DCX: variants seen among roughly 807,000 people sequenced by gnomAD.
The protein encoded by DCX is neuronal migration protein doublecortin.
In DCX, 4 loss-of-function variants were observed where a neutral mutation model predicts 20.9. That is an observed-to-expected ratio of 0.19 (90% CI 0.09 to 0.44). The LOEUF (loss-of-function observed/expected upper bound fraction) is 0.44, where lower values mean the gene tolerates loss of function less well. DCX is among the 20% of genes least tolerant of loss of function. The probability of loss-of-function intolerance (pLI) is 0.99; values close to 1 mark genes in which losing one functional copy is unlikely to be tolerated. For synonymous variants in DCX, 103 were observed against 111.4 expected (o/e 0.92, Z 0.47); for missense variants, 133 against 296.9 (o/e 0.45, Z 4.06).
chrX:111,346,210 TC>T (rs1182989689), intron 3 of DCX, among the ~76,000 whole-genome samples: 1 of 111,735 alleles, frequency 8.9e-6, no homozygotes, highest in Non-Finnish European at 1.9e-5. Flanking sequence ...GATGATAGCT[TC>T]TTTTGCTGTG....
intron 3 of DCX, among the ~76,000 whole-genome samples, chrX:111,387,949 C>A (rs1351382691): frequency 8.9e-6 from 1 of 111,889 alleles, no homozygotes; most frequent in East Asian, 2.8e-4. Context: ...ATGGTAAACA[C>A]TACTTATGGA....
rs1023346565 is a variant in DCX at position 111,362,392 on chromosome X, C to T, written c.706-29239G>A. Among the ~76,000 whole-genome samples, 9 of 110,638 alleles carry T rather than the reference C, an allele frequency of 8.1e-5. No homozygotes were observed. In the East Asian group the frequency reaches 8.5e-4, roughly 10 times the overall value. ...TGGAGCAATTATGATACAAGAAATG[C>T]GCTAGTGTGTCTTTGTTTCAAATTT... On this transcript the variant is annotated intron_variant, in intron 3 of 6. Coordinates refer to ENST00000636035, the MANE Select transcript of DCX (RefSeq NM_001195553.2).
chrX:111,330,329 T>C (rs1039215606), intron 5 of DCX, among the ~76,000 whole-genome samples: 1 of 112,535 alleles, frequency 8.9e-6, no homozygotes, highest in African/African-American at 3.2e-5. Context: ...AAATAGAATC[T>C]TCTATGGCAA....
At chrX:111,356,609 G>A (rs1350086222) in intron 3 of DCX, among the ~76,000 whole-genome samples, 1 of 112,367 alleles carries the variant, frequency 8.9e-6, no homozygotes, top group Non-Finnish European at 1.9e-5. Context: ...TAGTTGAATA[G>A]GAGTTCTCCA....
At chrX:111,378,028 C>T (rs1925677931) in intron 3 of DCX, among the ~76,000 whole-genome samples, 1 of 111,315 alleles carries the variant, frequency 9.0e-6, no homozygotes, top group Admixed American at 9.6e-5. Context: ...AACGTAGGGG[C>T]CAAGCACCAA....
At chrX:111,380,293 G>T (rs932977121) in intron 3 of DCX, among the ~76,000 whole-genome samples, 1 of 111,269 alleles carries the variant, frequency 9.0e-6, no homozygotes, top group Non-Finnish European at 1.9e-5. Flanking sequence ...TTTTCCTTAA[G>T]AATTTCATAG....
chrX:111,406,032 G>A (rs1328027233), intron 2 of DCX, among the ~76,000 whole-genome samples: 1 of 112,291 alleles, frequency 8.9e-6, no homozygotes, highest in Non-Finnish European at 1.9e-5. Flanking sequence ...TGAAAACACA[G>A]TGTGTTCTAT....
intron 3 of DCX, among the ~76,000 whole-genome samples, chrX:111,382,167 G>T (rs1196788045): frequency 9.0e-6 from 1 of 111,656 alleles, no homozygotes; most frequent in Non-Finnish European, 1.9e-5. Context: ...CACACATTGA[G>T]GACCACTACC....
In DCX at chrX:111,331,014, G is replaced by A. The variant is rs750568488; in HGVS notation, c.836C>T (p.Ser279Leu). The A allele has an allele frequency of 2.5e-6, 3 of 1,210,119 alleles. No individual in the cohort carries two copies. In the African/African-American group the frequency reaches 5.2e-5, roughly 21 times the overall value. Reference protein sequence around the residue: ...NECRVMKGNPSATAGPKASPT... With the variant: ...NECRVMKGNPLATAGPKASPT... The stretch of plus-strand genomic sequence containing the variant: ...GGATGCCTTTGGGCCAGCTGTGGCT[G>A]ATGGGTTTCCCTTCATGACTCGGCA... Residue 279 changes from serine (S) to leucine (L), a missense_variant, in exon 5 of 7, where the codon TCA (serine) becomes TTA (leucine). Physicochemically the swap from Ser to Leu is moderately radical, Grantham distance 145. Coordinates refer to ENST00000636035, the MANE Select transcript of DCX (RefSeq NM_001195553.2).
At chrX:111,409,838 C>T (rs1488242316) in intron 2 of DCX, among the ~76,000 whole-genome samples, 197 bp downstream of exon 2, 1 of 112,191 alleles carries the variant, frequency 8.9e-6, no homozygotes, top group Non-Finnish European at 1.9e-5. Flanking sequence ...CCACCATTCA[C>T]ACTTCAACCT....
chrX:111,371,996 A>G (rs977294307), intron 3 of DCX, among the ~76,000 whole-genome samples: 4 of 110,624 alleles, frequency 3.6e-5, no homozygotes, highest in African/African-American at 1.3e-4. Context: ...TAATCTATTC[A>G]GTTATAGAGT....
At chrX:111,360,471 A>G (rs1374369384) in intron 3 of DCX, among the ~76,000 whole-genome samples, 1 of 111,374 alleles carries the variant, frequency 9.0e-6, no homozygotes, top group East Asian at 2.8e-4. Context: ...TGGGGTTGAG[A>G]TGGGGATGGT....
chrX:111,385,713 GAAA>G (rs1448534102), intron 3 of DCX, among the ~76,000 whole-genome samples: 1,036 of 50,412 alleles, frequency 0.021, 7 homozygotes, highest in Non-Finnish European at 0.035. Context: ...AAGAAAGCAA[GAAA>G]GCAAGGAAGG....
Position 111,297,414 on chromosome X carries a change from G to A in DCX, c.*4273C>T, listed in dbSNP as rs944328367. The A allele has an allele frequency of 8.9e-6, 1 of 111,889 alleles. No individual in the cohort carries two copies. The highest frequency in any genetic ancestry group is 1.9e-5 in the Non-Finnish European group (1 of 53,181). The allele number at this position is 111,889 out of a possible 1,213,427, so 9.2% of individuals were successfully genotyped here. A position where few individuals can be genotyped will look rare whatever the true frequency, so the allele number is the denominator to read the frequency against. On this transcript the variant is annotated 3_prime_UTR_variant, in exon 7 of 7. Transcript: ENST00000636035. ...AAGCCATTTAGAATCAAATGTGCAG[G>A]GTGATTGGGAGCATTGTACCCAGAG...
intron 3 of DCX, among the ~76,000 whole-genome samples, chrX:111,334,246 A>G (rs1921521912): frequency 8.9e-6 from 1 of 112,148 alleles, no homozygotes; most frequent in Non-Finnish European, 1.9e-5. Flanking sequence ...AGCCTTACAC[A>G]AAAGGAGATA....
At chrX:111,319,946 C>G (rs2095082647) in intron 5 of DCX, among the ~76,000 whole-genome samples, 1 of 112,323 alleles carries the variant, frequency 8.9e-6, no homozygotes, top group South Asian at 3.7e-4. Context: ...CCCCTCCACC[C>G]ATTACTCTCC....
At chrX:111,366,612 T>C (rs1165037472) in intron 3 of DCX, among the ~76,000 whole-genome samples, 1 of 111,864 alleles carries the variant, frequency 8.9e-6, no homozygotes, top group Non-Finnish European at 1.9e-5. Context: ...GGATAAGCCA[T>C]GGAAAAGATG....
intron 3 of DCX, among the ~76,000 whole-genome samples, chrX:111,374,724 C>G (rs1198494041): frequency 4.5e-5 from 5 of 110,190 alleles, no homozygotes; most frequent in East Asian, 2.9e-4. Flanking sequence ...GGCCACAGCT[C>G]TCACATGGAT....
chrX:111,399,370 T>A (rs1489042786), intron 3 of DCX, among the ~76,000 whole-genome samples: 1 of 111,422 alleles, frequency 9.0e-6, no homozygotes, highest in African/African-American at 3.3e-5. Flanking sequence ...AGTTAAGTGG[T>A]TAAGTGACAA....
Sources: allele counts gnomAD v4.1 joint callset (sites outside exome capture counted in the v4.1 genomes callset), GRCh38; gene constraint gnomAD v4.1.1; transcripts MANE v1.5; gene names NCBI Gene and HGNC (gene_info 2026-07-23, HGNC 2026-07-21).